Variants in ATF2 observed in about 807,000 individuals in gnomAD.
ATF2 encodes the protein activating transcription factor 2, also known as cyclic AMP-dependent transcription factor ATF-2.
A neutral mutation model predicts 60.6 loss-of-function variants in ATF2; 24 were observed. The observed-to-expected ratio is 0.40, with a 90% CI of 0.29 to 0.56. ATF2 has a LOEUF of 0.56. Ranked by LOEUF, ATF2 falls within the 20% of genes least tolerant of loss-of-function variation. The pLI, the probability that ATF2 is intolerant of heterozygous loss-of-function variation, is 0.54. For synonymous variants in ATF2, 206 were observed against 215.4 expected, an observed-to-expected ratio of 0.96 and a Z score of 0.38; for missense variants, 433 against 607.7, an observed-to-expected ratio of 0.71 and a Z score of 3.02.
At chr2:175,076,994 A>G (rs1235109946) in intron 13 of ATF2, among the ~76,000 whole-genome samples, 19 of 117,900 alleles carry the variant, frequency 1.6e-4, no homozygotes, top group Non-Finnish European at 2.8e-4. Flanking sequence ...TCCCCTTCCT[A>G]TGTCCATGTG....
At chr2:175,130,793 T>C (rs1697672793) in intron 3 of ATF2, among the ~76,000 whole-genome samples, 2 of 152,126 alleles carry the variant, frequency 1.3e-5, no homozygotes, top group Admixed American at 6.6e-5. Flanking sequence ...GAATCTCTCC[T>C]CCCAGTAAAG....
chr2:175,083,679 A>G (rs1245378222), intron 12 of ATF2, among the ~76,000 whole-genome samples: 10 of 152,202 alleles, frequency 6.6e-5, no homozygotes, highest in Non-Finnish European at 1.3e-4. Context: ...CTGCACAGCA[A>G]AAGAAACTAC....
intron 9 of ATF2, among the ~76,000 whole-genome samples, chr2:175,113,121 G>A (rs946380600): frequency 4.6e-5 from 7 of 152,100 alleles, no homozygotes; most frequent in African/African-American, 1.7e-4. Context: ...TCAAAAAGTG[G>A]TTCTCAGGAT....
At position 175,089,841 on chromosome 2, in the gene ATF2, T is replaced by C. The variant is rs548175659; in HGVS notation, c.1185+3220A>G. On this transcript the variant is annotated intron_variant, in intron 12 of 13. Coordinates refer to ENST00000264110, the MANE Select transcript of ATF2 (RefSeq NM_001880.4). Reference sequence around the variant, plus strand: ...CTCTCAATTCCCTCCTCACCATCGTTTGCACCTTGGTACATGTCATTTCTA... The same window carrying C: ...CTCTCAATTCCCTCCTCACCATCGTCTGCACCTTGGTACATGTCATTTCTA... Among the ~76,000 whole-genome samples the C allele has an allele frequency of 1.1e-4, 16 of 152,294 alleles. No individual in the cohort carries two copies. In the South Asian group the frequency reaches 3.1e-3, roughly 30 times the overall value.
At chr2:175,107,935 C>A (rs1456829491) in intron 10 of ATF2, among the ~76,000 whole-genome samples, 2 of 152,034 alleles carry the variant, frequency 1.3e-5, no homozygotes, top group African/African-American at 4.8e-5. Context: ...ACCTCCCAGC[C>A]GCCTGCCTTG....
intron 4 of ATF2, among the ~76,000 whole-genome samples, chr2:175,124,119 T>C (rs1697157445): frequency 6.6e-6 from 1 of 151,892 alleles, no homozygotes; most frequent in Non-Finnish European, 1.5e-5. Context: ...AAAATATCTA[T>C]ATTACTAGCA....
chr2:175,149,582 G>A (rs1421547969), intron 2 of ATF2, among the ~76,000 whole-genome samples: 2 of 152,024 alleles, frequency 1.3e-5, no homozygotes, highest in Non-Finnish European at 2.9e-5. Context: ...AAGAAAACTG[G>A]CACAAGCTAC....
intron 2 of ATF2, among the ~76,000 whole-genome samples, chr2:175,145,947 A>C (rs1002424281): frequency 2.6e-5 from 4 of 152,234 alleles, no homozygotes; most frequent in African/African-American, 4.8e-5. Context: ...TCAAAGTATT[A>C]TATCTCCCTA....
intron 1 of ATF2, among the ~76,000 whole-genome samples, chr2:175,155,568 A>G (rs1699618095): frequency 6.6e-6 from 1 of 152,224 alleles, no homozygotes; most frequent in Non-Finnish European, 1.5e-5. Context: ...CCAGAGAGGG[A>G]GTTCCGCAAG....
chr2:175,127,815 T>C (rs542517436), intron 4 of ATF2, among the ~76,000 whole-genome samples: 40 of 152,290 alleles, frequency 2.6e-4, no homozygotes, highest in African/African-American at 9.1e-4. Context: ...CTATCTAAAA[T>C]TGCATTAACC....
intron 4 of ATF2, among the ~76,000 whole-genome samples, chr2:175,129,869 T>C (rs1037529556): frequency 1.3e-5 from 2 of 152,066 alleles, no homozygotes; most frequent in Non-Finnish European, 2.9e-5. Flanking sequence ...TATACTTTTA[T>C]ATCTTGGACT....
At chr2:175,133,427 T>G (rs773734973) in intron 3 of ATF2, among the ~76,000 whole-genome samples, 11 of 152,182 alleles carry the variant, frequency 7.2e-5, no homozygotes, top group Non-Finnish European at 1.3e-4. Context: ...TTCTAGAAAT[T>G]TTATATAGCA....
At chr2:175,109,168 TAAAAAAAAA>T (rs66812318) in intron 10 of ATF2, among the ~76,000 whole-genome samples, 3 of 82,608 alleles carry the variant, frequency 3.6e-5, no homozygotes, top group Non-Finnish European at 6.6e-5. Context: ...GAATGATCAA[TAAAAAAAAA>T]AAAAAAAAAA....
At chr2:175,078,182 A>C (rs1693494970) in intron 13 of ATF2, among the ~76,000 whole-genome samples, 1 of 151,990 alleles carries the variant, frequency 6.6e-6, no homozygotes, top group African/African-American at 2.4e-5. Context: ...TTTCACCCAG[A>C]CTGGTCTTGA....
At chr2:175,163,753 T>C (rs1700165318) in intron 1 of ATF2, among the ~76,000 whole-genome samples, 1 of 150,204 alleles carries the variant, frequency 6.7e-6, no homozygotes, top group Non-Finnish European at 1.5e-5. Context: ...TGAAACCCCG[T>C]TTCTATTAAA....
At chr2:175,109,277 T>C (rs1696005299) in intron 10 of ATF2, among the ~76,000 whole-genome samples, 1 of 150,028 alleles carries the variant, frequency 6.7e-6, no homozygotes, top group Non-Finnish European at 1.5e-5. Flanking sequence ...GACAAAGAAA[T>C]TGTGGTATAT....
At chr2:175,112,349 G>A (rs1696257100) in intron 9 of ATF2, among the ~76,000 whole-genome samples, 1 of 151,632 alleles carries the variant, frequency 6.6e-6, no homozygotes, top group Non-Finnish European at 1.5e-5. Context: ...TTATATCTGA[G>A]TCCTTACAAA....
intron 13 of ATF2, among the ~76,000 whole-genome samples, chr2:175,076,345 C>A (rs528541532): frequency 2.6e-5 from 4 of 151,938 alleles, no homozygotes; most frequent in Admixed American, 2.0e-4. Context: ...TAAAACAACA[C>A]CACCACCACC....
chr2:175,083,275 C>T (rs566143188), intron 12 of ATF2, among the ~76,000 whole-genome samples: 23 of 152,218 alleles, frequency 1.5e-4, no homozygotes, highest in African/African-American at 5.3e-4. Flanking sequence ...ACCAAAACAG[C>T]ATGGTACTGG....
Sources: allele counts gnomAD v4.1 joint callset (sites outside exome capture counted in the v4.1 genomes callset), GRCh38; gene constraint gnomAD v4.1.1; transcripts MANE v1.5; gene names NCBI Gene and HGNC (gene_info 2026-07-23, HGNC 2026-07-21).